The following CCDC73 variants were observed in gnomAD, a reference collection of about 807,000 sequenced individuals.
CCDC73 encodes coiled-coil domain containing 73, also known as coiled-coil domain-containing protein 73.
CCDC73 carries 95 observed loss-of-function variants against 116.5 expected under a neutral mutation model. The ratio of observed to expected loss-of-function variants is 0.82; its 90% CI spans 0.69 to 0.97. The LOEUF (loss-of-function observed/expected upper bound fraction) is 0.97. CCDC73 is among the 50% of genes least tolerant of loss of function. The pLI is 0.00. For synonymous variants in CCDC73, 398 were observed against 401.3 expected (o/e 0.99, Z 0.10); for missense variants, 1,066 against 1,206.8 (o/e 0.88, Z 1.73).
chr11:32,774,378 T>A (rs188427459), intron 1 of CCDC73, among the ~76,000 whole-genome samples: 5 of 152,306 alleles, frequency 3.3e-5, no homozygotes, highest in Admixed American at 6.5e-5. Context: ...CATTGTCTAT[T>A]CTCTCTTGTC....
chr11:32,640,946 G>A (rs1855726904), intron 13 of CCDC73, among the ~76,000 whole-genome samples: 1 of 151,978 alleles, frequency 6.6e-6, no homozygotes, highest in Non-Finnish European at 1.5e-5. Context: ...AACCCAGGAG[G>A]CAGAGCTTGC....
chr11:32,814,510 C>G, the CCDC73 span, among the ~76,000 whole-genome samples: 2 of 152,050 alleles, frequency 1.3e-5, no homozygotes, highest in Non-Finnish European at 2.9e-5. Flanking sequence ...ATGGCCGTAA[C>G]AACAAAACAA....
intron 2 of CCDC73, among the ~76,000 whole-genome samples, chr11:32,734,530 T>C (rs1416539407): frequency 2.0e-5 from 3 of 150,444 alleles, no homozygotes; most frequent in Non-Finnish European, 2.9e-5. Context: ...GATAAACAAG[T>C]GAACAAAGGT....
intron 6 of CCDC73, among the ~76,000 whole-genome samples, chr11:32,697,542 GA>G (rs1849763264): frequency 2.2e-5 from 3 of 134,530 alleles, no homozygotes; most frequent in South Asian, 2.4e-4. Context: ...GGAGTACAGT[GA>G]CGTAATCTCC....
the CCDC73 span, chr11:32,829,673 C>T: frequency 1.3e-6 from 1 of 774,566 alleles, no homozygotes; most frequent in Non-Finnish European, 1.6e-6. Flanking sequence ...GAAATGCTTC[C>T]TGAATTAGGA....
chr11:32,641,018 A>C (rs368218606), intron 13 of CCDC73, among the ~76,000 whole-genome samples: 1,074 of 74,500 alleles, frequency 0.014, 15 homozygotes, highest in African/African-American at 0.074. Context: ...TCTGTCCCCC[A>C]CCAAAAAAAA....
At chr11:32,702,758 T>G in intron 4 of CCDC73, 115 bp downstream of exon 4, 2 of 763,260 alleles carry the variant, frequency 2.6e-6, no homozygotes, top group Non-Finnish European at 4.7e-6. Context: ...CCATAATACC[T>G]TGTTCTCCTT....
intron 10 of CCDC73, 86 bp from the exon 11 acceptor site, chr11:32,654,123 TTATGACCTA>T: frequency 8.2e-7 from 1 of 1,220,722 alleles, no homozygotes; most frequent in Admixed American, 2.7e-5. Flanking sequence ...TTTTGGAGTG[TTATGACCTA>T]TTCCTACCCC....
rs1849961261 is a variant in CCDC73, at chr11:32,718,118, A to G, written c.165T>C (p.Ile55=). The G allele has an allele frequency of 1.2e-6, 2 of 1,607,710 alleles. No homozygotes were observed. The highest frequency in any genetic ancestry group is 1.7e-5 in the Admixed American group (1 of 59,360). Residue 55 remains isoleucine, a synonymous_variant, in exon 3 of 18, where the codon ATT becomes ATC. Coordinates refer to ENST00000335185, the MANE Select transcript of CCDC73 (RefSeq NM_001008391.4). ...CCTGTGTCTCCACAATAATTTTACCAATCTGCTCTTCATAATGAATTTCTG... is the reference window on the plus strand; with the variant it reads ...CCTGTGTCTCCACAATAATTTTACCGATCTGCTCTTCATAATGAATTTCTG... ...REAEIHYEEQ[I]GKIIVETQEL...
chr11:32,826,632 G>C, the CCDC73 span, among the ~76,000 whole-genome samples: 1 of 128,612 alleles, frequency 7.8e-6, no homozygotes, highest in Non-Finnish European at 1.6e-5. Context: ...GCCCTTTATT[G>C]CTTGATAATA....
At chr11:32,755,590 T>C (rs1850328491) in intron 2 of CCDC73, among the ~76,000 whole-genome samples, 1 of 107,940 alleles carries the variant, frequency 9.3e-6, no homozygotes, top group East Asian at 3.5e-4. Flanking sequence ...TATATGTGTG[T>C]ATATATATAT....
chr11:32,808,986 T>C, the CCDC73 span, among the ~76,000 whole-genome samples: 1 of 152,232 alleles, frequency 6.6e-6, no homozygotes, highest in Non-Finnish European at 1.5e-5. Context: ...TCTTGCAGCA[T>C]ATAATAGATA....
chr11:32,736,639 G>A (rs1309805182), intron 2 of CCDC73, among the ~76,000 whole-genome samples: 1 of 151,840 alleles, frequency 6.6e-6, no homozygotes, highest in Non-Finnish European at 1.5e-5. Context: ...AATACCATTT[G>A]ACCCAGCCAT....
chr11:32,744,332 G>A (rs751378675), intron 2 of CCDC73, among the ~76,000 whole-genome samples: 18 of 152,120 alleles, frequency 1.2e-4, no homozygotes, highest in South Asian at 2.1e-4. Flanking sequence ...GAGGATTTTC[G>A]CACTGATGTT....
intron 13 of CCDC73, among the ~76,000 whole-genome samples, chr11:32,637,092 T>C (rs1855688739): frequency 7.0e-6 from 1 of 142,340 alleles, no homozygotes; most frequent in Non-Finnish European, 1.5e-5. Context: ...TGATCTTGGC[T>C]CACTGCAACC....
the CCDC73 span, among the ~76,000 whole-genome samples, chr11:32,818,869 A>G: frequency 1.3e-5 from 2 of 152,244 alleles, no homozygotes; most frequent in Non-Finnish European, 2.9e-5. Context: ...GCAAATCCAT[A>G]GAGACAGAAA....
chr11:32,679,724 C>T lies in CCDC73; in HGVS notation c.430-3703G>A, dbSNP rs1281404207. The T allele has an allele frequency of 2.6e-5, 4 of 152,238 alleles. No individual in the cohort carries two copies. The South Asian group carries it at 6.2e-4, about 24-fold the overall frequency. The allele number at this position is 152,238 out of a possible 1,614,324, so 9.4% of individuals were successfully genotyped here. A position where few individuals can be genotyped will look rare whatever the true frequency, so the allele number is the denominator to read the frequency against. The stretch of plus-strand genomic sequence containing the variant: ...TATTTACGTAGCCTTCATTAGAATA[C>T]TCTCTACTGCATAATACATGATCCC... On this transcript the variant is annotated intron_variant, in intron 7 of 17. Transcript: ENST00000335185.
intron 2 of CCDC73, among the ~76,000 whole-genome samples, chr11:32,730,550 T>G (rs373884151): frequency 6.6e-6 from 1 of 152,342 alleles, no homozygotes; most frequent in East Asian, 1.9e-4. Flanking sequence ...TTAGTGTTGT[T>G]GCTTTGAATA....
At chr11:32,721,758 C>T (rs1248418187) in intron 2 of CCDC73, among the ~76,000 whole-genome samples, 1 of 151,726 alleles carries the variant, frequency 6.6e-6, no homozygotes, top group Non-Finnish European at 1.5e-5. Context: ...CCACAGTGCC[C>T]GGCTAATTTT....
Sources: gnomAD v4.1 joint callset for allele counts (sites outside exome capture counted in the v4.1 genomes callset) on GRCh38, gnomAD v4.1.1 for gene constraint, MANE v1.5 for transcripts, NCBI Gene and HGNC (gene_info 2026-07-23, HGNC 2026-07-21) for gene names.